RFFL: variants seen among roughly 807,000 people sequenced by gnomAD.
RFFL encodes the protein ring finger and FYVE like domain containing E3 ubiquitin protein ligase.
Under a neutral mutation model 40.4 loss-of-function variants are expected in RFFL, and 16 were observed. That is an observed-to-expected ratio of 0.40 (90% confidence interval 0.27 to 0.60). RFFL has a LOEUF of 0.60. RFFL is among the 20% of genes least tolerant of loss of function. RFFL has a pLI of 0.47. For missense variants in RFFL, 367 were observed against 451.7 expected (o/e 0.81, Z 1.70); for synonymous variants, 154 against 167.9 (o/e 0.92, Z 0.64).
chr17:35,010,416 T>C lies in RFFL; in HGVS notation c.*1552A>G, dbSNP rs2090929175. On this transcript the variant is annotated 3_prime_UTR_variant, in exon 7 of 7. Transcript: ENST00000394597. ...GGTGTAAAGACTGTGAGGGCTCAAA[T>C]ACATCACCTACTCATTGCATGGTCC... 6.6e-6 allele frequency: 1 copy of C among 152,224 alleles called. No homozygotes were observed. Among genetic ancestry groups the C allele is most frequent in the African/African-American group, 2.4e-5 (1 of 41,444 alleles). 9.4% of individuals were successfully genotyped at this position (152,224 alleles called of 1,614,324 possible). A position where few individuals can be genotyped will look rare whatever the true frequency, so the allele number is the denominator to read the frequency against.
intron 1 of RFFL, among the ~76,000 whole-genome samples, chr17:35,071,428 G>A (rs1278739462): frequency 1.3e-5 from 2 of 151,958 alleles, no homozygotes; most frequent in East Asian, 1.9e-4. Context: ...GACCAGCCTG[G>A]CCAACATGGT....
Position 35,016,398 on chromosome 17 carries a change from G to A in RFFL, c.858C>T (p.Tyr286=). 6.2e-7 allele frequency: 1 copy of A among 1,614,130 alleles called. No homozygotes were observed. The highest frequency in any genetic ancestry group is 8.5e-7 in the Non-Finnish European group (1 of 1,180,004). ...WELMERVTRL[Y]KDQKGLQHLV... is the part of the protein sequence containing the mutation. ...GGTGCTGGAGTCCTTTCTGATCCTT[G>A]TATAGCCGGGTCACTCTCTCCATCA... Residue 286 remains tyrosine (Y), a synonymous_variant, in exon 5 of 7, where the codon TAC becomes TAT. Transcript: ENST00000394597.
At chr17:35,034,331 T>A (rs2091106051) in intron 1 of RFFL, among the ~76,000 whole-genome samples, 1 of 151,214 alleles carries the variant, frequency 6.6e-6, no homozygotes, top group Admixed American at 6.6e-5. Flanking sequence ...AGTTCCTGTC[T>A]CAAAAATTAA....
chr17:35,082,801 C>T (rs1485312943), intron 1 of RFFL, among the ~76,000 whole-genome samples: 1 of 152,172 alleles, frequency 6.6e-6, no homozygotes, highest in Non-Finnish European at 1.5e-5. Context: ...ACAATCCTAC[C>T]AGGTATTTTC....
At position 35,006,193 on chromosome 17, in the gene RFFL, T is replaced by C. The variant is rs1439234009; in HGVS notation, c.*5775A>G. On this transcript the variant is annotated 3_prime_UTR_variant, in exon 7 of 7. Transcript: ENST00000394597. The stretch of plus-strand genomic sequence containing the variant: ...GACAAGTGCTATTCAATAGAACTTT[T>C]TGCAGCAGTGGAAATATCCATAAAT... The C allele has an allele frequency of 1.3e-5, 2 of 154,098 alleles. No individual in the cohort carries two copies. The highest frequency in any genetic ancestry group is 6.4e-5 in the Admixed American group (1 of 15,586). 9.5% of individuals were successfully genotyped at this position (154,098 alleles called of 1,614,324 possible). A position where few individuals can be genotyped will look rare whatever the true frequency, so the allele number is the denominator to read the frequency against.
At chr17:35,069,809 T>C (rs2091337658) in intron 1 of RFFL, among the ~76,000 whole-genome samples, 1 of 151,966 alleles carries the variant, frequency 6.6e-6, no homozygotes, top group Non-Finnish European at 1.5e-5. Flanking sequence ...AGAAAACGTA[T>C]TTTCTTTAGG....
At chr17:35,038,090 C>T (rs555556901) in intron 1 of RFFL, among the ~76,000 whole-genome samples, 1 of 152,026 alleles carries the variant, frequency 6.6e-6, no homozygotes, top group Admixed American at 6.6e-5. Flanking sequence ...AAGTTCGAGA[C>T]CAGCCTGGAC....
rs1459359591 is a variant in RFFL, at chr17:35,009,701, T to TA, written c.*2266dup. 6.6e-5 allele frequency: 10 copies of TA among 152,210 alleles called. No homozygotes were observed. Among genetic ancestry groups the TA allele is most frequent in the Admixed American group, 6.5e-4 (10 of 15,284 alleles). 9.4% of individuals were successfully genotyped at this position (152,210 alleles called of 1,614,324 possible). A position where few individuals can be genotyped will look rare whatever the true frequency, so the allele number is the denominator to read the frequency against. On this transcript the variant is annotated 3_prime_UTR_variant, in exon 7 of 7. Transcript: ENST00000394597. ...AGTAAACAACCTCAGTTTTAATTCTTACTGAGGTTACTAACCAGCTATCAG... is the reference window on the plus strand; with the variant it reads ...AGTAAACAACCTCAGTTTTAATTCTTAACTGAGGTTACTAACCAGCTATCAG...
chr17:35,012,090 T>C lies in RFFL; in HGVS notation c.970A>G (p.Ile324Val). 1 of 1,614,136 alleles carries C rather than the reference T, an allele frequency of 6.2e-7. No homozygotes were observed. Among genetic ancestry groups the C allele is most frequent in the African/African-American group, 1.3e-5 (1 of 75,014 alleles). ...NLCKICMDSP[I>V]DCVLLECGHM... ...CCACACTCCAGAAGAACACAGTCAATGGGTGAGTCCATGCAGATCTTACAC... is the reference window on the plus strand; with the variant it reads ...CCACACTCCAGAAGAACACAGTCAACGGGTGAGTCCATGCAGATCTTACAC... Residue 324 changes from isoleucine (I) to valine (V), a missense_variant, in exon 7 of 7, where the codon ATT becomes GTT. Coordinates refer to ENST00000394597, the MANE Select transcript of RFFL (RefSeq NM_001017368.2).
At chr17:35,037,186 T>C (rs1371321135) in intron 1 of RFFL, among the ~76,000 whole-genome samples, 1 of 152,218 alleles carries the variant, frequency 6.6e-6, no homozygotes, top group Non-Finnish European at 1.5e-5. Context: ...AATGCCTTTC[T>C]GACATGACAA....
rs1319245381 is a variant in RFFL at position 35,016,569 on chromosome 17, T to C, written c.687A>G (p.Ser229=). ...TTCGGCCTGGGACAAAGCTGTCCTC[T>C]GAGTCAATAGACTGCAATGACAAAG... ...PAEDETQSID[S]EDSFVPGRRA... The change falls in exon 5 of 7, where the codon TCA becomes TCG. Residue 229 remains serine, a synonymous_variant. Coordinates refer to ENST00000394597, the MANE Select transcript of RFFL (RefSeq NM_001017368.2). The C allele has an allele frequency of 6.2e-7, 1 of 1,613,792 alleles. No individual in the cohort carries two copies. The highest frequency in any genetic ancestry group is 1.1e-5 in the South Asian group (1 of 91,082).
chr17:35,017,318 C>A (rs1009828622), intron 4 of RFFL, among the ~76,000 whole-genome samples: 2 of 152,152 alleles, frequency 1.3e-5, no homozygotes, highest in African/African-American at 2.4e-5. Flanking sequence ...TCCGTCTCCA[C>A]TGTGACCTCA....
rs147621592 is a variant in RFFL at position 35,057,047 on chromosome 17, C to G, written c.-9+6529G>C. Among the ~76,000 whole-genome samples the G allele has an allele frequency of 2.8e-3, 430 of 152,122 alleles. 1 individual carries two copies. The highest frequency in any genetic ancestry group is 9.7e-3 in the African/African-American group (403 of 41,474). ...TCTCCTGCCTCAGCCTCCCGAGTAG[C>G]ACGGATTACAGGCATAAGCCACCAT... On this transcript the variant is annotated intron_variant, in intron 1 of 6. Transcript: ENST00000394597.
intron 1 of RFFL, among the ~76,000 whole-genome samples, chr17:35,030,748 C>T (rs1255042028): frequency 1.3e-5 from 2 of 151,902 alleles, no homozygotes; most frequent in African/African-American, 4.8e-5. Context: ...TTTTGTAATT[C>T]TTTAAATCAC....
At chr17:35,043,887 G>A (rs553569751) in intron 1 of RFFL, among the ~76,000 whole-genome samples, 41 of 152,194 alleles carry the variant, frequency 2.7e-4, no homozygotes, top group Non-Finnish European at 4.6e-4. Context: ...AACCATTCCT[G>A]GGACTACAGA....
chr17:35,057,302 C>T (rs1221577956), intron 1 of RFFL, among the ~76,000 whole-genome samples: 1 of 152,128 alleles, frequency 6.6e-6, no homozygotes, highest in Non-Finnish European at 1.5e-5. Context: ...GCCTTTTCCA[C>T]TTTACCTCAT....
chr17:35,058,159 G>C (rs370919613), intron 1 of RFFL, among the ~76,000 whole-genome samples: 2 of 151,988 alleles, frequency 1.3e-5, no homozygotes, highest in African/African-American at 4.8e-5. Context: ...CCTAGAAGCA[G>C]GAGAGATGAG....
At chr17:35,084,968 C>T (rs529393299) in intron 1 of RFFL, among the ~76,000 whole-genome samples, 42 of 151,948 alleles carry the variant, frequency 2.8e-4, no homozygotes, top group Non-Finnish European at 5.2e-4. Flanking sequence ...TAAAAGGTAG[C>T]GTCTACATGG....
intron 2 of RFFL, among the ~76,000 whole-genome samples, chr17:35,024,906 T>TTTGTAGCAAGAAAATA (rs1016647347): frequency 2.0e-5 from 3 of 152,204 alleles, no homozygotes; most frequent in Non-Finnish European, 2.9e-5. Flanking sequence ...AACTCATACT[T>TTTGTAGCAAGAAAATA]TTGTAGCAAG....
Sources: allele counts gnomAD v4.1 joint callset (sites outside exome capture counted in the v4.1 genomes callset), GRCh38; gene constraint gnomAD v4.1.1; transcripts MANE v1.5; gene names NCBI Gene and HGNC (gene_info 2026-07-23, HGNC 2026-07-21).